The following EPB41L3 variants were observed in gnomAD, a reference collection of about 807,000 sequenced individuals.
EPB41L3 encodes the protein erythrocyte membrane protein band 4.1 like 3.
EPB41L3 carries 57 observed loss-of-function variants against 127.1 expected under a neutral mutation model. The observed-to-expected ratio is 0.45, with a 90% CI of 0.36 to 0.56. The LOEUF (loss-of-function observed/expected upper bound fraction) is 0.56. Ranked by LOEUF, EPB41L3 falls within the 20% of genes least tolerant of loss-of-function variation. The pLI is 0.00. For synonymous variants in EPB41L3, 572 were observed against 549.5 expected (o/e 1.04, Z -0.57); for missense variants, 1,273 against 1,372.2 (o/e 0.93, Z 1.14).
intron 8 of EPB41L3, among the ~76,000 whole-genome samples, chr18:5,432,393 CT>C (rs2079121491): frequency 6.6e-6 from 1 of 152,160 alleles, no homozygotes; most frequent in East Asian, 1.9e-4. Context: ...CGGTGACTAA[CT>C]CTGTCCATAA....
Position 5,569,645 on chromosome 18 carries a change from A to G in EPB41L3, c.-306+42695T>C, listed in dbSNP as rs536683508. ...TTACATGGAAAATATCTCTTTTTCT[A>G]TGTACCTCTGCTAAGGGCAGACAGC... On this transcript the variant is annotated intron_variant, in intron 3 of 21. Transcript: ENST00000545076. 3.3e-5 allele frequency among the ~76,000 whole-genome samples: 5 copies of G among 152,306 alleles called. No individual in the cohort carries two copies. In the South Asian group the frequency reaches 1.0e-3, roughly 32 times the overall value.
At chr18:5,428,215 T>C (rs921210920) in intron 9 of EPB41L3, 98 bp downstream of exon 9, 33 of 1,415,320 alleles carry the variant, frequency 2.3e-5, no homozygotes, top group Middle Eastern at 1.8e-4. Flanking sequence ...ATTCACTGTG[T>C]CCCACAATGC....
At chr18:5,416,804 G>A (rs537321841) in intron 12 of EPB41L3, among the ~76,000 whole-genome samples, 1 of 151,722 alleles carries the variant, frequency 6.6e-6, no homozygotes, top group South Asian at 2.1e-4. Context: ...TGTTACTATA[G>A]TTCAGCTAGA....
intron 1 of EPB41L3, among the ~76,000 whole-genome samples, chr18:5,533,382 T>C (rs1174814541): frequency 6.6e-6 from 1 of 152,214 alleles, no homozygotes; most frequent in East Asian, 1.9e-4. Context: ...ATGTGGATTA[T>C]GTGAGTGTGT....
At chr18:5,533,189 G>T (rs1719976) in intron 1 of EPB41L3, among the ~76,000 whole-genome samples, 1 of 151,964 alleles carries the variant, frequency 6.6e-6, no homozygotes, top group African/African-American at 2.4e-5. Context: ...TACACAATTT[G>T]TCGGGCTTGC....
chr18:5,534,835 T>C (rs2093520575), intron 1 of EPB41L3, among the ~76,000 whole-genome samples: 3 of 152,196 alleles, frequency 2.0e-5, no homozygotes, highest in South Asian at 2.1e-4. Flanking sequence ...GGCAGCATCG[T>C]CATCTGTTCA....
chr18:5,597,972 A>G (rs760791729), intron 3 of EPB41L3, among the ~76,000 whole-genome samples: 1 of 152,306 alleles, frequency 6.6e-6, no homozygotes, highest in South Asian at 2.1e-4. Flanking sequence ...CAGATCCTGC[A>G]TGCACAATGT....
At chr18:5,604,190 T>C (rs768215936) in intron 3 of EPB41L3, among the ~76,000 whole-genome samples, 1 of 152,134 alleles carries the variant, frequency 6.6e-6, no homozygotes, top group Non-Finnish European at 1.5e-5. Context: ...CTTTGTATTA[T>C]GATCAATAGT....
chr18:5,407,282 T>C, intron 15 of EPB41L3: 2 of 398,502 alleles, frequency 5.0e-6, no homozygotes, highest in South Asian at 8.0e-5. Context: ...AAGGGATCTA[T>C]ATCTAGGAGC....
At chr18:5,511,414 T>A (rs2148674247) in intron 1 of EPB41L3, among the ~76,000 whole-genome samples, 1 of 142,160 alleles carries the variant, frequency 7.0e-6, no homozygotes, top group Non-Finnish European at 1.5e-5. Context: ...TTTTTTTTTT[T>A]TTTTTTTTGT....
rs1343038978 is a variant in EPB41L3, at chr18:5,401,041, G to A, written c.2350-2898C>T. 7.2e-6 allele frequency: 11 copies of A among 1,532,406 alleles called. No individual in the cohort carries two copies. The South Asian group carries it at 1.1e-4, about 15-fold the overall frequency. The allele number at this position is 1,532,406 out of a possible 1,614,324, so 94.9% of individuals were successfully genotyped here. A position where few individuals can be genotyped will look rare whatever the true frequency, so the allele number is the denominator to read the frequency against. ...TTTCAGAAATCTCTGTTTCTTCTTT[G>A]GTCTGTTTGAATAAAGGGGGTTGGG... On this transcript the variant is annotated intron_variant, in intron 16 of 22. Transcript: ENST00000341928.
At chr18:5,559,252 C>A (rs1186910010) in intron 3 of EPB41L3, among the ~76,000 whole-genome samples, 1 of 152,156 alleles carries the variant, frequency 6.6e-6, no homozygotes, top group Non-Finnish European at 1.5e-5. Flanking sequence ...TAAGTCTTGA[C>A]TTATTAAAAG....
intron 1 of EPB41L3, among the ~76,000 whole-genome samples, chr18:5,533,388 T>C (rs1414966821): frequency 6.6e-6 from 1 of 152,212 alleles, no homozygotes; most frequent in African/African-American, 2.4e-5. Flanking sequence ...ATTATGTGAG[T>C]GTGTGTGTCC....
At chr18:5,474,419 T>C (rs1233909343) in intron 3 of EPB41L3, among the ~76,000 whole-genome samples, 2 of 152,110 alleles carry the variant, frequency 1.3e-5, no homozygotes, top group African/African-American at 4.8e-5. Context: ...CCTTCTATCT[T>C]GCTTTCTGGG....
chr18:5,440,682 T>C (rs1420767408), intron 5 of EPB41L3, among the ~76,000 whole-genome samples: 2 of 152,260 alleles, frequency 1.3e-5, no homozygotes, highest in Non-Finnish European at 2.9e-5. Context: ...GTTAGTCTTT[T>C]ATGCCAGACA....
chr18:5,517,273 T>C (rs77812128), intron 1 of EPB41L3, among the ~76,000 whole-genome samples: 3,255 of 152,168 alleles, frequency 0.021, 66 homozygotes, highest in East Asian at 0.097. Context: ...ATTGTTAGAC[T>C]GAAAAGGTCT....
chr18:5,441,908 C>T (rs903212053), intron 5 of EPB41L3, among the ~76,000 whole-genome samples: 1 of 152,062 alleles, frequency 6.6e-6, no homozygotes, highest in South Asian at 2.1e-4. Context: ...ATTGTCTTGT[C>T]CCTTTAGCTT....
At chr18:5,469,622 T>C (rs919584954) in intron 3 of EPB41L3, among the ~76,000 whole-genome samples, 1 of 152,164 alleles carries the variant, frequency 6.6e-6, no homozygotes, top group African/African-American at 2.4e-5. Flanking sequence ...CCAATGGGCC[T>C]GAGCAAAAAT....
intron 1 of EPB41L3, among the ~76,000 whole-genome samples, chr18:5,490,326 G>C (rs1406089748): frequency 6.6e-6 from 1 of 152,130 alleles, no homozygotes; most frequent in East Asian, 1.9e-4. Context: ...GACTAGTGTA[G>C]TGCTTTAGGC....
Sources: gnomAD v4.1 joint callset for allele counts (sites outside exome capture counted in the v4.1 genomes callset) on GRCh38, gnomAD v4.1.1 for gene constraint, MANE v1.5 for transcripts, NCBI Gene and HGNC (gene_info 2026-07-23, HGNC 2026-07-21) for gene names.